The following MICU3 variants were observed in gnomAD, a reference collection of about 807,000 sequenced individuals.
The protein encoded by MICU3 is mitochondrial calcium uptake 3.
MICU3 carries 62 observed loss-of-function variants against 66.5 expected under a neutral mutation model. The ratio of observed to expected loss-of-function variants is 0.93; its 90% confidence interval spans 0.76 to 1.15. The LOEUF is 1.15. MICU3 is among the 50% of genes most tolerant of loss of function. The probability of loss-of-function intolerance (pLI) is 0.00; values close to 1 mark genes in which losing one functional copy is unlikely to be tolerated. For synonymous variants in MICU3, 308 were observed against 240.7 expected (o/e 1.28, Z -2.59); for missense variants, 779 against 664.4 (o/e 1.17, Z -1.90).
At chr8:17,053,487 C>T (rs377247720) in intron 1 of MICU3, among the ~76,000 whole-genome samples, 7 of 152,236 alleles carry the variant, frequency 4.6e-5, no homozygotes, top group African/African-American at 1.7e-4. Context: ...GCCTCACTAC[C>T]TTAACAAGTA....
chr8:17,118,900 A>G, intron 14 of MICU3, 125 bp downstream of exon 14: 1 of 559,088 alleles, frequency 1.8e-6, no homozygotes, highest in African/African-American at 1.9e-5. Context: ...TTAATTTTTA[A>G]GTCATTAGAG....
intron 8 of MICU3, among the ~76,000 whole-genome samples, chr8:17,094,136 T>A (rs1800401680): frequency 6.6e-6 from 1 of 152,036 alleles, no homozygotes; most frequent in Admixed American, 6.6e-5. Flanking sequence ...TTTTGTACTT[T>A]ATGTAACTGG....
In MICU3 at chr8:17,113,987, A is replaced by G. The variant is rs554402583; in HGVS notation, c.1258-106A>G. 1.3e-5 allele frequency: 8 copies of G among 639,296 alleles called. No individual in the cohort carries two copies. In the South Asian group the frequency reaches 2.0e-4, roughly 16 times the overall value. The allele number at this position is 639,296 out of a possible 1,614,324, so 39.6% of individuals were successfully genotyped here. On this transcript the variant is annotated intron_variant, in intron 11 of 14. Transcript: ENST00000318063. ...ATGTGCCCTGGAAATGTTTACTTAC[A>G]AGATACATTGCAAATGCTTAATCTG...
chr8:17,066,989 A>T (rs778298318), intron 2 of MICU3, among the ~76,000 whole-genome samples: 2 of 152,194 alleles, frequency 1.3e-5, no homozygotes, highest in African/African-American at 4.8e-5. Flanking sequence ...TTTTAAAACC[A>T]TAACTTAAGA....
intron 1 of MICU3, among the ~76,000 whole-genome samples, chr8:17,039,059 A>T (rs1227421729): frequency 6.6e-6 from 1 of 152,188 alleles, no homozygotes; most frequent in Non-Finnish European, 1.5e-5. Context: ...AGCCATCAAC[A>T]TCAAGGCAAG....
intron 12 of MICU3, among the ~76,000 whole-genome samples, chr8:17,115,867 C>A (rs1387074132): frequency 6.6e-6 from 1 of 152,008 alleles, no homozygotes; most frequent in Admixed American, 6.6e-5. Flanking sequence ...TGCTTTATGC[C>A]CTCCCACCTC....
intron 9 of MICU3, among the ~76,000 whole-genome samples, chr8:17,102,255 G>T (rs569528857): frequency 6.6e-6 from 1 of 151,840 alleles, no homozygotes; most frequent in Non-Finnish European, 1.5e-5. Context: ...CTCCACTCGA[G>T]CATGGAGTAA....
At chr8:17,061,785 A>G (rs914376053) in intron 1 of MICU3, among the ~76,000 whole-genome samples, 6 of 152,200 alleles carry the variant, frequency 3.9e-5, no homozygotes, top group African/African-American at 1.4e-4. Flanking sequence ...ACCCTGAGAT[A>G]TGTATATACA....
intron 5 of MICU3, among the ~76,000 whole-genome samples, chr8:17,083,889 A>G (rs1821557570): frequency 6.6e-6 from 1 of 152,088 alleles, no homozygotes; most frequent in Admixed American, 6.6e-5. Context: ...GTGATAGGCA[A>G]GGATAAGAAG....
intron 9 of MICU3, among the ~76,000 whole-genome samples, chr8:17,101,830 C>G (rs1325899574): frequency 6.6e-6 from 1 of 151,644 alleles, no homozygotes; most frequent in Non-Finnish European, 1.5e-5. Context: ...CATTAAGATT[C>G]AACATTCTTT....
At chr8:17,084,382 A>G (rs193003216) in intron 5 of MICU3, among the ~76,000 whole-genome samples, 11 of 152,232 alleles carry the variant, frequency 7.2e-5, no homozygotes, top group Non-Finnish European at 1.5e-4. Context: ...AGCTGTTACT[A>G]GTTAAGAAAG....
intron 12 of MICU3, among the ~76,000 whole-genome samples, chr8:17,115,548 A>T (rs978233869): frequency 6.6e-5 from 10 of 152,164 alleles, no homozygotes; most frequent in Non-Finnish European, 1.0e-4. Flanking sequence ...AAATACGTCC[A>T]TCTCTTTTTG....
At chr8:17,031,128 G>C (rs918717656) in intron 1 of MICU3, among the ~76,000 whole-genome samples, 12 of 151,940 alleles carry the variant, frequency 7.9e-5, no homozygotes, top group Non-Finnish European at 1.6e-4. Context: ...TGAGATAGGA[G>C]GATCATGTGA....
In MICU3 at chr8:17,118,727, G is replaced by C; in HGVS notation, c.1545G>C (p.Lys515Asn). The C allele has an allele frequency of 6.2e-7, 1 of 1,611,938 alleles. No individual in the cohort carries two copies. Among genetic ancestry groups the C allele is most frequent in the Non-Finnish European group, 8.5e-7 (1 of 1,178,330 alleles). ...RGFRGYKTVQ[K>N]YPTFKSCLKK... ...TACAGGGTTATAAAACAGTCCAGAA[G>C]TACCCCACTTTCAAATCCTGCCTGA... Residue 515 changes from lysine to asparagine, a missense_variant, in exon 14 of 15, where the codon AAG becomes AAC. Coordinates refer to ENST00000318063, the MANE Select transcript of MICU3 (RefSeq NM_181723.3).
At chr8:17,135,185 G>T in the MICU3 span, among the ~76,000 whole-genome samples, 1 of 152,172 alleles carries the variant, frequency 6.6e-6, no homozygotes, top group Admixed American at 6.5e-5. Flanking sequence ...TGGACCACAA[G>T]GTCAGGAGTT....
At chr8:17,133,997 T>C in the MICU3 span, 1 of 152,224 alleles carries the variant, frequency 6.6e-6, no homozygotes, top group East Asian at 1.9e-4. Context: ...AATTCCTCTT[T>C]TTAATTTTTA....
chr8:17,070,270 A>G (rs1819353549), intron 3 of MICU3, among the ~76,000 whole-genome samples: 1 of 152,132 alleles, frequency 6.6e-6, no homozygotes, highest in Admixed American at 6.6e-5. Context: ...AAATGTTGAT[A>G]TATTCATATA....
At chr8:17,063,417 A>G (rs1260652983) in intron 1 of MICU3, among the ~76,000 whole-genome samples, 1 of 152,072 alleles carries the variant, frequency 6.6e-6, no homozygotes, top group Non-Finnish European at 1.5e-5. Flanking sequence ...TTTCTCTTGT[A>G]ATCAGGAAAA....
In MICU3 at chr8:17,063,719, G is replaced by C. The variant is rs1043827416; in HGVS notation, c.382-365G>C. Among the ~76,000 whole-genome samples the C allele has an allele frequency of 3.9e-5, 6 of 152,074 alleles. No individual in the cohort carries two copies. In the East Asian group the frequency reaches 9.6e-4, roughly 24 times the overall value. ...TGTAATTAAATACATTAGCCTATAA[G>C]AGTACATAGTAGGCATTCAGCAAGC... On this transcript the variant is annotated intron_variant, in intron 1 of 14. Transcript: ENST00000318063.
Sources: allele counts gnomAD v4.1 joint callset (sites outside exome capture counted in the v4.1 genomes callset), GRCh38; gene constraint gnomAD v4.1.1; transcripts MANE v1.5; gene names NCBI Gene and HGNC (gene_info 2026-07-23, HGNC 2026-07-21).